Variants in LHFPL6 observed in about 807,000 individuals in gnomAD.
LHFPL6 encodes LHFPL tetraspan subfamily member 6 protein.
LHFPL6 carries 9 observed loss-of-function variants against 20.6 expected under a neutral mutation model. The ratio of observed to expected loss-of-function variants is 0.44; its 90% CI spans 0.26 to 0.76. LHFPL6 has a LOEUF of 0.76. Among genes scored for constraint, LHFPL6 ranks in the 30% least tolerant of loss-of-function variants. The pLI, the probability that LHFPL6 is intolerant of heterozygous loss-of-function variation, is 0.20. For synonymous variants in LHFPL6, 105 were observed against 98.7 expected (o/e 1.06, Z -0.38); for missense variants, 218 against 253.5 (o/e 0.86, Z 0.95).
chr13:39,513,978 A>G (rs953506189), intron 2 of LHFPL6, among the ~76,000 whole-genome samples: 1 of 151,950 alleles, frequency 6.6e-6, no homozygotes, highest in African/African-American at 2.4e-5. Flanking sequence ...CTGCAACTTG[A>G]CTCTGGAAAC....
intron 2 of LHFPL6, among the ~76,000 whole-genome samples, chr13:39,388,850 A>C (rs780013636): frequency 2.0e-5 from 3 of 152,182 alleles, no homozygotes; most frequent in Non-Finnish European, 4.4e-5. Flanking sequence ...ACATCTGTAC[A>C]GATCTTTGAT....
At chr13:39,394,848 G>A (rs1435790575) in intron 2 of LHFPL6, among the ~76,000 whole-genome samples, 1 of 152,148 alleles carries the variant, frequency 6.6e-6, no homozygotes, top group Non-Finnish European at 1.5e-5. Flanking sequence ...GAAATGGAAT[G>A]AAATCTTTTG....
At chr13:39,423,625 AC>A (rs1871553633) in intron 2 of LHFPL6, among the ~76,000 whole-genome samples, 1 of 152,152 alleles carries the variant, frequency 6.6e-6, no homozygotes, top group South Asian at 2.1e-4. Flanking sequence ...AAGCTGACAC[AC>A]AAAGGATACA....
chr13:39,387,421 C>T (rs553886804), intron 2 of LHFPL6, among the ~76,000 whole-genome samples: 1 of 151,880 alleles, frequency 6.6e-6, no homozygotes, highest in African/African-American at 2.4e-5. Flanking sequence ...GTGGTGCACA[C>T]CTGTAATCTC....
intron 2 of LHFPL6, among the ~76,000 whole-genome samples, chr13:39,412,459 C>T (rs1871256563): frequency 6.6e-6 from 1 of 152,160 alleles, no homozygotes; most frequent in Non-Finnish European, 1.5e-5. Context: ...AATTATACTA[C>T]CATGCCTAAA....
chr13:39,584,770 C>T (rs1174269176), intron 2 of LHFPL6, among the ~76,000 whole-genome samples: 1 of 152,012 alleles, frequency 6.6e-6, no homozygotes, highest in East Asian at 1.9e-4. Context: ...ACAAAAACAA[C>T]ATTCCAACAT....
intron 2 of LHFPL6, among the ~76,000 whole-genome samples, chr13:39,423,088 G>C (rs949502642): frequency 1.3e-5 from 2 of 152,078 alleles, no homozygotes; most frequent in South Asian, 2.1e-4. Context: ...GGGATTACAG[G>C]GAACTACAAT....
chr13:39,348,910 G>A (rs1430127154), intron 3 of LHFPL6, among the ~76,000 whole-genome samples: 2 of 152,120 alleles, frequency 1.3e-5, no homozygotes, highest in African/African-American at 4.8e-5. Context: ...CATAAAACAG[G>A]TAGTTAACGT....
chr13:39,512,229 G>A (rs968551697), intron 2 of LHFPL6, among the ~76,000 whole-genome samples: 1 of 152,158 alleles, frequency 6.6e-6, no homozygotes, highest in Non-Finnish European at 1.5e-5. Context: ...TCATTCTGCA[G>A]CTCTATGTGA....
chr13:39,406,727 C>G (rs1452137952), intron 2 of LHFPL6, among the ~76,000 whole-genome samples: 2 of 152,150 alleles, frequency 1.3e-5, no homozygotes, highest in Non-Finnish European at 2.9e-5. Context: ...CCATATACAT[C>G]CAGATTTATT....
At chr13:39,406,886 A>G (rs756515672) in intron 2 of LHFPL6, among the ~76,000 whole-genome samples, 1 of 152,216 alleles carries the variant, frequency 6.6e-6, no homozygotes, top group Non-Finnish European at 1.5e-5. Context: ...TTGAGTATCA[A>G]CTGCAGGTTT....
chr13:39,523,437 C>T (rs982722226), intron 2 of LHFPL6, among the ~76,000 whole-genome samples: 3 of 151,296 alleles, frequency 2.0e-5, no homozygotes, highest in Admixed American at 6.6e-5. Flanking sequence ...GGCGAGGTGG[C>T]GGGCGCCTGT....
intron 2 of LHFPL6, among the ~76,000 whole-genome samples, chr13:39,529,682 T>C (rs538662228): frequency 6.6e-6 from 1 of 152,340 alleles, no homozygotes; most frequent in African/African-American, 2.4e-5. Context: ...ATGGGGAATC[T>C]GGGATTTAGA....
At chr13:39,524,384 G>A (rs1870220515) in intron 2 of LHFPL6, among the ~76,000 whole-genome samples, 1 of 150,784 alleles carries the variant, frequency 6.6e-6, no homozygotes. Context: ...CTGTCTCTAA[G>A]TGGGTCCATA....
rs1593303146 is a variant in LHFPL6 at position 39,413,064 on chromosome 13, C to T, written c.386-34538G>A. The stretch of plus-strand genomic sequence containing the variant: ...CACAGTAGATTCAAAGATGAACGAG[C>T]CCTAACTCTACCCCAAGGAGTTTAT... On this transcript the variant is annotated intron_variant, in intron 2 of 3. Coordinates refer to ENST00000379589, the MANE Select transcript of LHFPL6 (RefSeq NM_005780.3). 1.3e-5 allele frequency among the ~76,000 whole-genome samples: 2 copies of T among 152,274 alleles called. 1 individual carries two copies. Among genetic ancestry groups the T allele is most frequent in the Middle Eastern group, 6.8e-3 (2 of 294 alleles).
At chr13:39,411,247 A>G (rs1253583619) in intron 2 of LHFPL6, among the ~76,000 whole-genome samples, 1 of 152,146 alleles carries the variant, frequency 6.6e-6, no homozygotes, top group East Asian at 1.9e-4. Flanking sequence ...CCTTATTTTT[A>G]TGTCCACACC....
chr13:39,515,897 G>GA (rs1334535784), intron 2 of LHFPL6, among the ~76,000 whole-genome samples: 6 of 152,080 alleles, frequency 3.9e-5, no homozygotes, highest in South Asian at 2.1e-4. Context: ...TCACCAGGGA[G>GA]AAAAAAACAT....
At chr13:39,461,302 G>C (rs933144523) in intron 2 of LHFPL6, among the ~76,000 whole-genome samples, 1 of 152,166 alleles carries the variant, frequency 6.6e-6, no homozygotes, top group Non-Finnish European at 1.5e-5. Flanking sequence ...GAACACACGT[G>C]TGCATGTGTC....
intron 2 of LHFPL6, among the ~76,000 whole-genome samples, chr13:39,416,532 C>A (rs79452404): frequency 0.06 from 9,078 of 152,252 alleles, 399 homozygotes; most frequent in East Asian, 0.21. Context: ...CTTCCCCTAC[C>A]TTGAGCTCCT....
Sources: allele counts gnomAD v4.1 joint callset (sites outside exome capture counted in the v4.1 genomes callset), GRCh38; gene constraint gnomAD v4.1.1; transcripts MANE v1.5; gene names NCBI Gene and HGNC (gene_info 2026-07-23, HGNC 2026-07-21).